Variants in SLC24A2 observed in about 807,000 individuals in gnomAD.
SLC24A2 encodes the protein solute carrier family 24 member 2.
Under a neutral mutation model 62.0 loss-of-function variants are expected in SLC24A2, and 36 were observed. The ratio of observed to expected loss-of-function variants is 0.58; its 90% CI spans 0.44 to 0.77. The LOEUF is 0.77. SLC24A2 is among the 30% of genes least tolerant of loss of function. SLC24A2 has a pLI of 0.00. For missense variants in SLC24A2, 846 were observed against 817.9 expected, an observed-to-expected ratio of 1.03 and a Z score of -0.42; for synonymous variants, 358 against 294.0, an observed-to-expected ratio of 1.22 and a Z score of -2.23.
the SLC24A2 span, among the ~76,000 whole-genome samples, chr9:20,242,850 T>C: frequency 6.6e-6 from 1 of 152,236 alleles, no homozygotes; most frequent in African/African-American, 2.4e-5. Flanking sequence ...GGTGATCTAG[T>C]GCTGTCAGCG....
At chr9:20,018,025 C>T in the SLC24A2 span, among the ~76,000 whole-genome samples, 2 of 152,216 alleles carry the variant, frequency 1.3e-5, no homozygotes, top group Admixed American at 1.3e-4. Context: ...CGGCTCACTG[C>T]AAACTCCACC....
the SLC24A2 span, among the ~76,000 whole-genome samples, chr9:19,968,357 T>C: frequency 6.6e-6 from 1 of 152,188 alleles, no homozygotes. Flanking sequence ...TGCCAGTCAC[T>C]ATGCTAAACT....
At chr9:19,534,667 G>A (rs994667564) in intron 8 of SLC24A2, among the ~76,000 whole-genome samples, 2 of 152,080 alleles carry the variant, frequency 1.3e-5, no homozygotes, top group Non-Finnish European at 2.9e-5. Flanking sequence ...CTTCATCCAT[G>A]TCCCTGCAAA....
the SLC24A2 span, among the ~76,000 whole-genome samples, chr9:19,796,417 C>T: frequency 2.0e-5 from 3 of 152,220 alleles, no homozygotes; most frequent in Admixed American, 1.3e-4. Context: ...CCAAGTTTTA[C>T]ATCTCCCACA....
chr9:19,520,162 A>AGT (rs1833122954), intron 10 of SLC24A2, among the ~76,000 whole-genome samples: 1 of 152,204 alleles, frequency 6.6e-6, no homozygotes, highest in Non-Finnish European at 1.5e-5. Context: ...TCCAAACTCA[A>AGT]GTGTTAGGAG....
At chr9:19,547,319 C>G (rs1476127487) in intron 8 of SLC24A2, among the ~76,000 whole-genome samples, 1 of 152,220 alleles carries the variant, frequency 6.6e-6, no homozygotes, top group Non-Finnish European at 1.5e-5. Context: ...CCTGCCCATT[C>G]TGCAGGTGCT....
Position 19,707,054 on chromosome 9 carries a change from T to C in SLC24A2, c.930+78883A>G, listed in dbSNP as rs4431677. Among the ~76,000 whole-genome samples the C allele has an allele frequency of 1.6e-3, 238 of 151,660 alleles. 2 individuals are homozygous for C. The highest frequency in any genetic ancestry group is 5.5e-3 in the African/African-American group (227 of 41,344). ...AGAGAGAAGAATCAAATAGACGCAA[T>C]AAAAAATGACAAAGGGGATATCACC... On this transcript the variant is annotated intron_variant, in intron 2 of 10. Transcript: ENST00000341998.
At chr9:20,174,461 A>G in the SLC24A2 span, among the ~76,000 whole-genome samples, 1 of 152,120 alleles carries the variant, frequency 6.6e-6, no homozygotes, top group Non-Finnish European at 1.5e-5. Context: ...TACATCTGAC[A>G]AAGGACTAAT....
chr9:20,282,438 T>G, the SLC24A2 span, among the ~76,000 whole-genome samples: 1 of 152,210 alleles, frequency 6.6e-6, no homozygotes, highest in Non-Finnish European at 1.5e-5. Context: ...TACACAATTA[T>G]CTATCATGAC....
chr9:19,576,921 C>T lies in SLC24A2; in HGVS notation c.1228+3G>A, dbSNP rs759483778. 4 of 1,608,954 alleles carry T rather than the reference C, an allele frequency of 2.5e-6. No homozygotes were observed. The highest frequency in any genetic ancestry group is 1.1e-5 in the South Asian group (1 of 90,964). On this transcript the variant is annotated splice_donor_region_variant and intron_variant, in intron 6 of 10. Transcript: ENST00000341998. ...TATGGGGTGGATGTTTCCCTGCACT[C>T]ACCCACGTGGTTGGCAGCCCCATTC...
At chr9:19,709,474 T>C (rs911660578) in intron 2 of SLC24A2, among the ~76,000 whole-genome samples, 2 of 152,100 alleles carry the variant, frequency 1.3e-5, no homozygotes, top group African/African-American at 4.8e-5. Flanking sequence ...ATTGCGGCAC[T>C]ATTCACAATA....
the SLC24A2 span, among the ~76,000 whole-genome samples, chr9:20,288,072 C>G: frequency 2.0e-5 from 3 of 151,890 alleles, no homozygotes; most frequent in Non-Finnish European, 4.4e-5. Context: ...ATTTCCAGAC[C>G]ATACGATGCA....
the SLC24A2 span, among the ~76,000 whole-genome samples, chr9:19,868,833 G>C: frequency 2.4e-4 from 36 of 151,532 alleles, no homozygotes; most frequent in African/African-American, 8.5e-4. Context: ...ATTTTCCATT[G>C]TTTTACTTTT....
chr9:20,150,698 A>G, the SLC24A2 span, among the ~76,000 whole-genome samples: 1 of 149,712 alleles, frequency 6.7e-6, no homozygotes, highest in African/African-American at 2.5e-5. Context: ...AAATAATTGT[A>G]TTCAGCTTTA....
At chr9:20,060,534 A>G in the SLC24A2 span, among the ~76,000 whole-genome samples, 1 of 152,186 alleles carries the variant, frequency 6.6e-6, no homozygotes, top group South Asian at 2.1e-4. Context: ...GTAAAGTAGT[A>G]AAAGACAAAA....
chr9:19,685,557 A>T (rs1309970496), intron 2 of SLC24A2, among the ~76,000 whole-genome samples: 4 of 152,098 alleles, frequency 2.6e-5, no homozygotes, highest in African/African-American at 9.7e-5. Flanking sequence ...TGATACAAAA[A>T]CACATAGATC....
the SLC24A2 span, among the ~76,000 whole-genome samples, chr9:19,847,643 G>A: frequency 2.0e-4 from 30 of 152,276 alleles, no homozygotes; most frequent in African/African-American, 7.0e-4. Context: ...AAGACTGGGA[G>A]CTTACACAGA....
At chr9:19,930,380 G>A in the SLC24A2 span, among the ~76,000 whole-genome samples, 3 of 152,156 alleles carry the variant, frequency 2.0e-5, no homozygotes, top group Admixed American at 1.3e-4. Context: ...GTAACATGGT[G>A]TACAGATCTG....
chr9:19,637,318 G>A (rs1470630610), intron 2 of SLC24A2, among the ~76,000 whole-genome samples: 1 of 152,264 alleles, frequency 6.6e-6, no homozygotes, highest in Non-Finnish European at 1.5e-5. Flanking sequence ...CAGGGTGCCG[G>A]AGGTCTGCCC....
Sources: allele counts gnomAD v4.1 joint callset (sites outside exome capture counted in the v4.1 genomes callset), GRCh38; gene constraint gnomAD v4.1.1; transcripts MANE v1.5; gene names NCBI Gene and HGNC (gene_info 2026-07-23, HGNC 2026-07-21).